CDC42SE2: variants seen among roughly 807,000 people sequenced by gnomAD.
CDC42SE2 encodes CDC42 small effector 2.
CDC42SE2 carries 3 observed loss-of-function variants against 11.5 expected under a neutral mutation model. The observed-to-expected ratio is 0.26, with a 90% confidence interval of 0.12 to 0.67. The LOEUF is 0.67. Among genes scored for constraint, CDC42SE2 ranks in the 30% least tolerant of loss-of-function variants. The pLI is 0.80. For synonymous variants in CDC42SE2, 33 were observed against 34.8 expected, an observed-to-expected ratio of 0.95 and a Z score of 0.18; for missense variants, 82 against 106.8, an observed-to-expected ratio of 0.77 and a Z score of 1.02.
At chr5:131,318,953 G>A (rs569501128) in intron 2 of CDC42SE2, among the ~76,000 whole-genome samples, 1 of 152,180 alleles carries the variant, frequency 6.6e-6, no homozygotes, top group South Asian at 2.1e-4. Flanking sequence ...ACCGGCTGGA[G>A]TGCAGTGGCA....
At chr5:131,338,086 C>T (rs1758620007) in intron 2 of CDC42SE2, among the ~76,000 whole-genome samples, 2 of 152,228 alleles carry the variant, frequency 1.3e-5, no homozygotes, top group Admixed American at 6.5e-5. Flanking sequence ...CCTATTTGGC[C>T]ATCTTGGCTC....
chr5:131,286,078 A>G (rs555011051), intron 1 of CDC42SE2, among the ~76,000 whole-genome samples: 1 of 143,588 alleles, frequency 7.0e-6, no homozygotes, highest in South Asian at 2.2e-4. Flanking sequence ...TTGGGGGGAC[A>G]GGGTCTCACT....
chr5:131,305,994 C>A (rs76695199), intron 1 of CDC42SE2, among the ~76,000 whole-genome samples: 1 of 152,198 alleles, frequency 6.6e-6, no homozygotes, highest in Non-Finnish European at 1.5e-5. Flanking sequence ...TTTCCTAGCA[C>A]CATTTACAGT....
chr5:131,371,519 A>C (rs146596584), intron 3 of CDC42SE2, among the ~76,000 whole-genome samples: 1 of 152,104 alleles, frequency 6.6e-6, no homozygotes, highest in Non-Finnish European at 1.5e-5. Flanking sequence ...TGTTTGTTTT[A>C]TATGTGATTT....
chr5:131,334,197 T>C (rs1245825968), intron 2 of CDC42SE2, among the ~76,000 whole-genome samples: 2 of 152,290 alleles, frequency 1.3e-5, no homozygotes, highest in Admixed American at 6.5e-5. Context: ...TTGTCAAAGG[T>C]CTTTTCTGCA....
At chr5:131,334,385 T>A (rs1394814273) in intron 2 of CDC42SE2, among the ~76,000 whole-genome samples, 8 of 152,210 alleles carry the variant, frequency 5.3e-5, no homozygotes, top group Non-Finnish European at 1.0e-4. Flanking sequence ...ATTGAGAATT[T>A]TTGCATCAAT....
At chr5:131,272,875 A>G (rs1757022632) in intron 1 of CDC42SE2, among the ~76,000 whole-genome samples, 1 of 152,244 alleles carries the variant, frequency 6.6e-6, no homozygotes, top group Middle Eastern at 3.4e-3. Flanking sequence ...TAAATTCCCT[A>G]GTTCTCAAGC....
At chr5:131,290,486 G>GTTTTTTTTTTTTTTTTTT (rs532593648) in intron 1 of CDC42SE2, among the ~76,000 whole-genome samples, 1 of 103,118 alleles carries the variant, frequency 9.7e-6, no homozygotes, top group Non-Finnish European at 2.0e-5. Flanking sequence ...TTTTTTTTTT[G>GTTTTTTTTTTTTTTTTTT]TTTTTTTTTT....
At chr5:131,266,954 C>CTTTT (rs34496996) in intron 1 of CDC42SE2, among the ~76,000 whole-genome samples, 1 of 69,514 alleles carries the variant, frequency 1.4e-5, no homozygotes, top group Non-Finnish European at 2.8e-5. Flanking sequence ...AAGTGTTTGG[C>CTTTT]TTTTTTTTTT....
intron 1 of CDC42SE2, among the ~76,000 whole-genome samples, chr5:131,266,131 A>G (rs576469506): frequency 1.3e-5 from 2 of 152,330 alleles, no homozygotes; most frequent in African/African-American, 4.8e-5. Context: ...TGCAACTGTG[A>G]TAAAACTACT....
chr5:131,287,597 G>A (rs984778761), intron 1 of CDC42SE2, among the ~76,000 whole-genome samples: 2 of 151,684 alleles, frequency 1.3e-5, no homozygotes, highest in African/African-American at 4.8e-5. Flanking sequence ...CAAGTCGGTG[G>A]GACTATAGGT....
intron 3 of CDC42SE2, among the ~76,000 whole-genome samples, chr5:131,373,547 T>G (rs964606152): frequency 2.6e-5 from 4 of 152,202 alleles, no homozygotes; most frequent in Non-Finnish European, 5.9e-5. Flanking sequence ...AAGCAAAAAG[T>G]GAGCTCACCA....
At chr5:131,369,672 G>C (rs1345030615) in intron 3 of CDC42SE2, among the ~76,000 whole-genome samples, 1 of 152,152 alleles carries the variant, frequency 6.6e-6, no homozygotes, top group Non-Finnish European at 1.5e-5. Context: ...TTTAATATGA[G>C]AGTGAACAGT....
chr5:131,221,086 A>T, the CDC42SE2 span, among the ~76,000 whole-genome samples: 1 of 151,810 alleles, frequency 6.6e-6, no homozygotes, highest in Admixed American at 6.6e-5. Context: ...GGGTTTCACC[A>T]TGTTGACCAG....
chr5:131,302,001 CTTATT>C (rs1272256126), intron 1 of CDC42SE2, among the ~76,000 whole-genome samples: 1 of 151,752 alleles, frequency 6.6e-6, no homozygotes, highest in Non-Finnish European at 1.5e-5. Flanking sequence ...CTTTTTTTAT[CTTATT>C]TTATTTTATT....
At chr5:131,377,344 A>G (rs914269893) in intron 3 of CDC42SE2, among the ~76,000 whole-genome samples, 2 of 151,158 alleles carry the variant, frequency 1.3e-5, no homozygotes, top group South Asian at 2.1e-4. Flanking sequence ...AATTTTTTGT[A>G]TTTTTGTAGA....
chr5:131,346,966 A>G (rs1758862274), intron 2 of CDC42SE2, among the ~76,000 whole-genome samples: 1 of 151,914 alleles, frequency 6.6e-6, no homozygotes, highest in African/African-American at 2.4e-5. Flanking sequence ...GAGAACAAAG[A>G]CACAACAAAT....
intron 1 of CDC42SE2, among the ~76,000 whole-genome samples, chr5:131,309,816 G>A (rs1167161368): frequency 2.6e-5 from 4 of 151,980 alleles, no homozygotes; most frequent in African/African-American, 9.7e-5. Context: ...TTTTTATTGG[G>A]TCTATTTGAT....
chr5:131,373,637 G>T (rs534929134), intron 3 of CDC42SE2, among the ~76,000 whole-genome samples: 1 of 152,248 alleles, frequency 6.6e-6, no homozygotes, highest in Non-Finnish European at 1.5e-5. Flanking sequence ...GTGTTCATTA[G>T]ACAACAGAAA....
Sources: gnomAD v4.1 joint callset for allele counts (sites outside exome capture counted in the v4.1 genomes callset) on GRCh38, gnomAD v4.1.1 for gene constraint, MANE v1.5 for transcripts, NCBI Gene and HGNC (gene_info 2026-07-23, HGNC 2026-07-21) for gene names.